PSMG2: variants seen among roughly 807,000 people sequenced by gnomAD.
PSMG2 encodes the protein proteasome assembly chaperone 2.
A neutral mutation model predicts 31.5 loss-of-function variants in PSMG2; 21 were observed. The ratio of observed to expected loss-of-function variants is 0.67; its 90% CI spans 0.47 to 0.96. The LOEUF is 0.96. Among genes scored for constraint, PSMG2 ranks in the 40% least tolerant of loss-of-function variants. PSMG2 has a pLI of 0.00. For missense variants in PSMG2, 318 were observed against 321.2 expected (o/e 0.99, Z 0.08); for synonymous variants, 120 against 110.4 (o/e 1.09, Z -0.54).
At chr18:12,721,898 C>T (rs1598688567) in intron 5 of PSMG2, among the ~76,000 whole-genome samples, 1 of 152,082 alleles carries the variant, frequency 6.6e-6, no homozygotes. Context: ...GTTTTCACTG[C>T]ATGCCCTGGG....
intron 1 of PSMG2, chr18:12,673,608 G>GAGCCACCAC: frequency 1.2e-6 from 1 of 869,442 alleles, no homozygotes; most frequent in Non-Finnish European, 1.7e-6. Context: ...GGCTAGGCGT[G>GAGCCACCAC]GTGGCTCATG....
chr18:12,711,715 A>G (rs2040333322), intron 2 of PSMG2, among the ~76,000 whole-genome samples: 1 of 149,454 alleles, frequency 6.7e-6, no homozygotes, highest in Non-Finnish European at 1.5e-5. Flanking sequence ...GTGTCCTTAG[A>G]GAGTATTTTA....
At chr18:12,705,278 G>A (rs2040252999) in intron 1 of PSMG2, among the ~76,000 whole-genome samples, 1 of 152,036 alleles carries the variant, frequency 6.6e-6, no homozygotes, top group Admixed American at 6.6e-5. Context: ...AGGCCAGGCT[G>A]GTCTCAAACT....
At chr18:12,683,755 T>TA (rs1050925264) in intron 1 of PSMG2, among the ~76,000 whole-genome samples, 30 of 146,986 alleles carry the variant, frequency 2.0e-4, no homozygotes, top group African/African-American at 4.7e-4. Flanking sequence ...CTGTCTCATT[T>TA]AAAAAAAAAA....
upstream of PSMG2, among the ~76,000 whole-genome samples, chr18:12,701,879 C>A (rs2040165216): frequency 6.6e-6 from 1 of 152,180 alleles, no homozygotes; most frequent in Middle Eastern, 3.2e-3. Context: ...GCCTGTAATC[C>A]CAGCACTTTA....
upstream of PSMG2, chr18:12,698,828 T>C (rs1598665394): frequency 4.9e-6 from 3 of 609,810 alleles, no homozygotes; most frequent in East Asian, 2.8e-5. Flanking sequence ...AGAAGGTGGA[T>C]AGTAGTTTAA....
chr18:12,710,193 C>T (rs2040315564), intron 2 of PSMG2, among the ~76,000 whole-genome samples: 1 of 151,596 alleles, frequency 6.6e-6, no homozygotes, highest in Non-Finnish European at 1.5e-5. Flanking sequence ...CTGCCCGCCT[C>T]AGCTTCCCAA....
intron 1 of PSMG2, among the ~76,000 whole-genome samples, chr18:12,694,642 G>A (rs1054194192): frequency 2.0e-5 from 3 of 151,802 alleles, no homozygotes; most frequent in African/African-American, 2.4e-5. Context: ...GCGAAAGAAC[G>A]TTAAAATCCC....
At chr18:12,702,467 C>G, upstream of PSMG2, 1 of 1,590,876 alleles carries the variant, frequency 6.3e-7, no homozygotes, top group South Asian at 1.1e-5. Flanking sequence ...CGGTCTCTCC[C>G]AGCACCCGCG....
chr18:12,673,795 C>T (rs1452172838), intron 1 of PSMG2, among the ~76,000 whole-genome samples: 4 of 151,896 alleles, frequency 2.6e-5, no homozygotes, highest in Admixed American at 1.3e-4. Context: ...GCAGGAGAAT[C>T]GCTTGAATCC....
At chr18:12,712,627 T>G (rs1261913339) in intron 2 of PSMG2, 75 bp from the exon 3 acceptor site, 1 of 1,085,190 alleles carries the variant, frequency 9.2e-7, no homozygotes, top group East Asian at 2.4e-5. Flanking sequence ...TATAATTCAA[T>G]TTTTGTTTAT....
chr18:12,720,038 ATTTATTT>A (rs767633121), intron 4 of PSMG2, among the ~76,000 whole-genome samples: 5 of 149,804 alleles, frequency 3.3e-5, no homozygotes, highest in South Asian at 4.2e-4. Flanking sequence ...CATTTAGATC[ATTTATTT>A]TTTATTTTTT....
chr18:12,659,401 C>G (rs188352586), intron 1 of PSMG2, among the ~76,000 whole-genome samples: 1 of 152,182 alleles, frequency 6.6e-6, no homozygotes, highest in Non-Finnish European at 1.5e-5. Flanking sequence ...TGCGCAGTGG[C>G]TTAGGCCTGT....
chr18:12,661,133 A>T (rs2038688366), intron 1 of PSMG2, among the ~76,000 whole-genome samples: 1 of 151,486 alleles, frequency 6.6e-6, no homozygotes, highest in Non-Finnish European at 1.5e-5. Flanking sequence ...CATGGCAAAA[A>T]CCTGTCTCTA....
At chr18:12,725,013 T>G (rs2040463657) in intron 6 of PSMG2, 1 of 272,812 alleles carries the variant, frequency 3.7e-6, no homozygotes, top group Non-Finnish European at 6.7e-6. Context: ...TTGATATTTT[T>G]CTCTATTATG....
intron 2 of PSMG2, 98 bp downstream of exon 2, chr18:12,706,819 C>A: frequency 7.9e-7 from 1 of 1,267,978 alleles, no homozygotes; most frequent in Non-Finnish European, 1.1e-6. Flanking sequence ...CAAATGTTTA[C>A]TTAGTGCCAA....
At chr18:12,722,905 C>T (rs1008362962) in intron 5 of PSMG2, among the ~76,000 whole-genome samples, 3 of 152,212 alleles carry the variant, frequency 2.0e-5, no homozygotes, top group Non-Finnish European at 2.9e-5. Context: ...CAGCCTTCTC[C>T]AGGCGAGAGC....
At chr18:12,721,711 A>C (rs920912758) in intron 5 of PSMG2, among the ~76,000 whole-genome samples, 1 of 150,634 alleles carries the variant, frequency 6.6e-6, no homozygotes, top group East Asian at 2.0e-4. Context: ...TCTATTCTCT[A>C]TTATTCTATT....
chr18:12,664,682 G>A (rs1026388213), intron 1 of PSMG2, among the ~76,000 whole-genome samples: 28 of 151,716 alleles, frequency 1.8e-4, no homozygotes, highest in African/African-American at 5.8e-4. Context: ...ACTGTGCCTG[G>A]CTAATTTGTC....
Sources: gnomAD v4.1 joint callset for allele counts (sites outside exome capture counted in the v4.1 genomes callset) on GRCh38, gnomAD v4.1.1 for gene constraint, MANE v1.5 for transcripts, NCBI Gene and HGNC (gene_info 2026-07-23, HGNC 2026-07-21) for gene names.